The following EIF4G1 variants were observed in gnomAD, a reference collection of about 807,000 sequenced individuals.
EIF4G1 encodes eukaryotic translation initiation factor 4 gamma 1.
In EIF4G1, 4 loss-of-function variants were observed where a neutral mutation model predicts 187.8. That is an observed-to-expected ratio of 0.02 (90% CI 0.01 to 0.05). The LOEUF (loss-of-function observed/expected upper bound fraction) is 0.05. Among genes scored for constraint, EIF4G1 ranks in the 10% least tolerant of loss-of-function variants. The pLI, the probability that EIF4G1 is intolerant of heterozygous loss-of-function variation, is 1.00. For synonymous variants in EIF4G1, 844 were observed against 781.4 expected (o/e 1.08, Z -1.34); for missense variants, 1,647 against 2,081.1 (o/e 0.79, Z 4.06).
chr3:184,331,858 A>G (rs1194698512), intron 31 of EIF4G1, 49 bp downstream of exon 31: 1 of 1,613,996 alleles, frequency 6.2e-7, no homozygotes, highest in Non-Finnish European at 8.5e-7. Flanking sequence ...CTGACAGACA[A>G]GTGGAGGGAG....
chr3:184,316,808 C>A, intron 4 of EIF4G1: 1 of 1,475,578 alleles, frequency 6.8e-7, no homozygotes, highest in Non-Finnish European at 9.3e-7. Flanking sequence ...GGGCTAGACA[C>A]AGGGAATGGG....
Position 184,323,734 on chromosome 3 carries a change from C to T in EIF4G1, c.2275-46C>T. 1.2e-6 allele frequency: 2 copies of T among 1,612,112 alleles called. No individual in the cohort carries two copies. Among genetic ancestry groups the T allele is most frequent in the Non-Finnish European group, 8.5e-7 (1 of 1,179,518 alleles). On this transcript the variant is annotated intron_variant, in intron 15 of 32. Coordinates refer to ENST00000346169, the MANE Select transcript of EIF4G1 (RefSeq NM_198241.3). This position sits in a 1 kb window ranked among gnomAD's most constrained non-coding sequence, Gnocchi z 6.9. ...CACCCTCTCCTGTCCCTCCCAACAG[C>T]CTGTTCTGAGACCCTCACTGGAACT... is the stretch of plus-strand genomic sequence containing the variant.
At position 184,321,752 on chromosome 3, in the gene EIF4G1, T is replaced by A. The variant is rs767874986; in HGVS notation, c.1168T>A (p.Ser390Thr). ...TCCTCCCCCAGCTTGCCCCTCCGAA[T>A]CCCCTGTGCCCATTGCTCCAACTGC... ...LAPPPACPSESPVPIAPTAQP... is the reference protein window; with the variant it reads ...LAPPPACPSETPVPIAPTAQP... Residue 390 changes from serine to threonine, a missense_variant, in exon 10 of 33, where the codon TCC (serine) becomes ACC (threonine). By Grantham distance (58) the Ser-to-Thr change is moderately conservative. Transcript: ENST00000346169. 1.9e-6 allele frequency: 3 copies of A among 1,602,754 alleles called. No individual in the cohort carries two copies. The highest frequency in any genetic ancestry group is 1.7e-5 in the Admixed American group (1 of 59,394).
rs201546211 is a variant in EIF4G1, at chr3:184,320,662, G to A, written c.570G>A (p.Lys190=). The A allele has an allele frequency of 4.4e-5, 71 of 1,614,098 alleles. 1 individual carries two copies. The East Asian group carries it at 5.3e-4, about 12-fold the overall frequency. Residue 190 remains lysine, a synonymous_variant, in exon 8 of 33, where the codon AAG becomes AAA. Transcript: ENST00000346169. ...TTCGAGATCCAAACCAAGGAGGAAA[G>A]GATATCACAGAGGAGATCATGTCTG... is the stretch of plus-strand genomic sequence containing the variant. ...IRIRDPNQGG[K]DITEEIMSGA... is the part of the protein sequence containing the mutation.
intron 28 of EIF4G1, among the ~76,000 whole-genome samples, chr3:184,330,318 G>T (rs1237582622): frequency 6.6e-6 from 1 of 152,152 alleles, no homozygotes; most frequent in Non-Finnish European, 1.5e-5. Context: ...GGGGGAGGTT[G>T]CAGTAAGCCA....
At chr3:184,319,850 G>A in intron 7 of EIF4G1, 49 bp downstream of exon 7, 1 of 1,311,370 alleles carries the variant, frequency 7.6e-7, no homozygotes, top group East Asian at 2.4e-5. Flanking sequence ...GGAGAATCAA[G>A]GTCAGGTGCT....
chr3:184,331,984 G>A lies in EIF4G1; in HGVS notation c.4516G>A (p.Ala1506Thr), dbSNP rs374327061. Residue 1506 changes from alanine to threonine, a missense_variant, in exon 32 of 33, where the codon GCG becomes ACG. Physicochemically the swap from Ala to Thr is moderately conservative, Grantham distance 58. Transcript: ENST00000346169. ...PLRVDVAVLK[A>T]RAKLLQKYLC... ...CCGAGTGGACGTTGCAGTGCTGAAA[G>A]CGCGAGCGAAGCTGCTGCAGAAATA... 1.4e-5 allele frequency: 22 copies of A among 1,614,092 alleles called. No individual in the cohort carries two copies. The highest frequency in any genetic ancestry group is 2.5e-6 in the Non-Finnish European group (3 of 1,180,048).
In EIF4G1 at chr3:184,325,036, C is replaced by G. The variant is rs1218057936; in HGVS notation, c.2778C>G (p.Asn926Lys). The change falls in exon 18 of 33, where the codon AAC becomes AAG. Residue 926 changes from asparagine to lysine, a missense_variant. Around this residue, in one of 11 missense-constraint regions of EIF4G1, gnomAD observed 142 missense variants for 296.6 expected, o/e 0.48. Coordinates refer to ENST00000346169, the MANE Select transcript of EIF4G1 (RefSeq NM_198241.3). This position sits in a 1 kb window ranked among gnomAD's most constrained non-coding sequence, Gnocchi z 5.2. ...ACTGTGTGGTCAAACTGCTTAAGAACCATGATGAAGAGTCCCTTGAGTGCC... is the reference window on the plus strand; with the variant it reads ...ACTGTGTGGTCAAACTGCTTAAGAAGCATGATGAAGAGTCCCTTGAGTGCC... ...MHDCVVKLLK[N>K]HDEESLECLC... The G allele has an allele frequency of 6.2e-7, 1 of 1,614,208 alleles. No individual in the cohort carries two copies.
rs746152841 is a variant in EIF4G1 at position 184,331,379 on chromosome 3, T to C, written c.4260+15T>C. 6.2e-7 allele frequency: 1 copy of C among 1,613,836 alleles called. No homozygotes were observed. The highest frequency in any genetic ancestry group is 8.5e-7 in the Non-Finnish European group (1 of 1,179,948). ...TCGCTGAACAGGTTTGGGGATGGAG[T>C]TGGGTTAATTCTAGCATTTGAGGCT... On this transcript the variant is annotated intron_variant, in intron 29 of 32. Transcript: ENST00000346169.
At chr3:184,333,722 A>G (rs557863673) in intron 32 of EIF4G1, among the ~76,000 whole-genome samples, 3 of 152,376 alleles carry the variant, frequency 2.0e-5, no homozygotes, top group Admixed American at 6.5e-5. Context: ...AAAGAAGGGA[A>G]AACATCAAGT....
rs774491851 is a variant in EIF4G1 at position 184,321,870 on chromosome 3, C to T, written c.1286C>T (p.Thr429Ile). The T allele has an allele frequency of 3.1e-6, 5 of 1,614,092 alleles. No homozygotes were observed. Among genetic ancestry groups the T allele is most frequent in the East Asian group, 4.5e-5 (2 of 44,884 alleles). The change falls in exon 10 of 33, where the codon ACA becomes ATA. Residue 429 changes from threonine (T) to isoleucine (I), a missense_variant. Physicochemically the swap from Thr to Ile is moderately conservative, Grantham distance 89. Coordinates refer to ENST00000346169, the MANE Select transcript of EIF4G1 (RefSeq NM_198241.3). ...CCAGAGGAGCAGGCCAAGGAGGTGA[C>T]AGCATCAATGGCGCCCCCCACCATC... Reference protein sequence around the residue: ...SEPEEQAKEVTASMAPPTIPS... With the variant: ...SEPEEQAKEVIASMAPPTIPS...
At chr3:184,314,888 G>T (rs1722439431) in intron 1 of EIF4G1, among the ~76,000 whole-genome samples, 1 of 150,824 alleles carries the variant, frequency 6.6e-6, no homozygotes, top group Admixed American at 6.6e-5. Context: ...GGGGAGCGCA[G>T]GGCCGGACTA....
Position 184,327,270 on chromosome 3 carries a change from A to G in EIF4G1, c.3483A>G (p.Leu1161=). The G allele has an allele frequency of 1.2e-6, 2 of 1,613,688 alleles. No homozygotes were observed. Among genetic ancestry groups the G allele is most frequent in the South Asian group, 2.2e-5 (2 of 91,060 alleles). ...AAGCTGGAGACCGAGGAGACCGCCT[A>G]GAGCGGAGTGAACGGGGAGGGGACC... The part of the protein sequence containing the change: ...GEKAGDRGDR[L]ERSERGGDRG... The change falls in exon 24 of 33, where the codon CTA becomes CTG. Residue 1161 remains leucine, a synonymous_variant. Transcript: ENST00000346169.
At position 184,321,838 on chromosome 3, in the gene EIF4G1, C is replaced by T; in HGVS notation, c.1254C>T (p.Val418=). Residue 418 remains valine, a synonymous_variant, in exon 10 of 33, where the codon GTC becomes GTT. Coordinates refer to ENST00000346169, the MANE Select transcript of EIF4G1 (RefSeq NM_198241.3). ...CACCAGCTGTGGACTTAAGCCCAGT[C>T]AGTGAGCCAGAGGAGCAGGCCAAGG... The part of the protein sequence containing the change: ...PSPPAVDLSP[V]SEPEEQAKEV... 1 of 1,614,180 alleles carries T rather than the reference C, an allele frequency of 6.2e-7. No individual in the cohort carries two copies. Among genetic ancestry groups the T allele is most frequent in the African/African-American group, 1.3e-5 (1 of 75,046 alleles).
chr3:184,330,871 C>G (rs1725940454), intron 28 of EIF4G1, among the ~76,000 whole-genome samples: 1 of 152,118 alleles, frequency 6.6e-6, no homozygotes, highest in African/African-American at 2.4e-5. Flanking sequence ...TCCCGAGTAG[C>G]TGGGATTACA....
chr3:184,331,705 G>T, intron 30 of EIF4G1, 23 bp from the exon 31 acceptor site: 1 of 1,614,156 alleles, frequency 6.2e-7, no homozygotes. Context: ...AGAATCTGGG[G>T]ATCATTTGTT....
intron 24 of EIF4G1, 58 bp from the exon 25 acceptor site, chr3:184,327,528 A>C: frequency 1.2e-6 from 2 of 1,612,936 alleles, no homozygotes; most frequent in Non-Finnish European, 1.7e-6. Flanking sequence ...TGAGAGCTCC[A>C]AATCTTGTTT....
chr3:184,316,321 T>C, intron 4 of EIF4G1, 103 bp downstream of exon 4: 1 of 1,439,980 alleles, frequency 6.9e-7, no homozygotes. Flanking sequence ...ATACCTGGCC[T>C]TAATCCTCTG....
chr3:184,331,823 G>T lies in EIF4G1; in HGVS notation c.4477+14G>T, dbSNP rs778339334. ...CTGCAATTATTTGTAAGAGGAACCA[G>T]GGAGATGGAGGGGCAAGGGTGGGCC... On this transcript the variant is annotated intron_variant, in intron 31 of 32. Transcript: ENST00000346169. 17 of 1,614,066 alleles carry T rather than the reference G, an allele frequency of 1.1e-5. No homozygotes were observed. In the Admixed American group the frequency reaches 2.0e-4, roughly 19 times the overall value.
Sources: allele counts gnomAD v4.1 joint callset (sites outside exome capture counted in the v4.1 genomes callset), GRCh38; gene constraint gnomAD v4.1.1; regional missense constraint gnomAD v4.1.1; non-coding constraint Gnocchi (gnomAD v3.1); transcripts MANE v1.5; gene names NCBI Gene and HGNC (gene_info 2026-07-23, HGNC 2026-07-21).